Variants in ADH7 observed in about 807,000 individuals in gnomAD.
The protein encoded by ADH7 is all-trans-retinol dehydrogenase [NAD(+)] ADH7.
ADH7 carries 41 observed loss-of-function variants against 34.4 expected under a neutral mutation model. The ratio of observed to expected loss-of-function variants is 1.19; its 90% confidence interval spans 0.93 to 1.55. ADH7 has a LOEUF of 1.55. Among genes scored for constraint, ADH7 ranks in the 40% most tolerant of loss-of-function variants. ADH7 has a pLI of 0.00. For synonymous variants in ADH7, 180 were observed against 160.9 expected (o/e 1.12, Z -0.90); for missense variants, 540 against 461.2 (o/e 1.17, Z -1.56).
chr4:99,432,286 A>G (rs1417343387), intron 1 of ADH7, among the ~76,000 whole-genome samples: 1 of 152,106 alleles, frequency 6.6e-6, no homozygotes, highest in East Asian at 1.9e-4. Context: ...GACACAAAGA[A>G]AAGAACAATG....
intron 6 of ADH7, among the ~76,000 whole-genome samples, chr4:99,420,279 G>A (rs189500307): frequency 6.6e-5 from 10 of 152,206 alleles, no homozygotes; most frequent in Non-Finnish European, 1.2e-4. Flanking sequence ...ATCTAGAAGG[G>A]TTGACTACCT....
At chr4:99,417,162 G>A (rs1381664170) in intron 7 of ADH7, among the ~76,000 whole-genome samples, 2 of 152,056 alleles carry the variant, frequency 1.3e-5, no homozygotes, top group Non-Finnish European at 2.9e-5. Flanking sequence ...CAGCCAGAAG[G>A]AGAGTGTTAA....
At chr4:99,432,556 A>C (rs1027179418) in intron 1 of ADH7, 1 of 152,182 alleles carries the variant, frequency 6.6e-6, no homozygotes, top group African/African-American at 2.4e-5. Flanking sequence ...TTGACATCAA[A>C]TAGTACTGAG....
At chr4:99,427,245 G>C (rs1023899264) in intron 5 of ADH7, among the ~76,000 whole-genome samples, 2 of 152,094 alleles carry the variant, frequency 1.3e-5, no homozygotes, top group Non-Finnish European at 2.9e-5. Context: ...AAACACTACT[G>C]TATTTTATTT....
At position 99,419,004 on chromosome 4, in the gene ADH7, T is replaced by C. The variant is rs201018597; in HGVS notation, c.943A>G (p.Lys315Glu). 1 of 1,613,776 alleles carries C rather than the reference T, an allele frequency of 6.2e-7. No homozygotes were observed. The highest frequency in any genetic ancestry group is 8.5e-7 in the Non-Finnish European group (1 of 1,179,812). Residue 315 changes from lysine to glutamate, a missense_variant, in exon 7 of 9, where the codon AAG becomes GAG. Coordinates refer to ENST00000437033, the MANE Select transcript of ADH7 (RefSeq NM_000673.7). ...PMLLFTGRTW[K>E]GCVFGGLKSR... is the part of the protein sequence containing the mutation. ...TCCTGACCTCCAAAGACACATCCCT[T>C]CCATGTGCGTCCAGTGAAGAGCAAC...
At chr4:99,416,679 T>A (rs1721522181) in intron 7 of ADH7, among the ~76,000 whole-genome samples, 2 of 152,146 alleles carry the variant, frequency 1.3e-5, no homozygotes, top group Admixed American at 1.3e-4. Context: ...CCTCCTCTGG[T>A]CTTGTGGCTT....
intron 5 of ADH7, among the ~76,000 whole-genome samples, chr4:99,421,930 T>G (rs1215198951): frequency 1.3e-5 from 2 of 152,116 alleles, no homozygotes; most frequent in Admixed American, 6.5e-5. Flanking sequence ...ATTAGAGAAA[T>G]GCAAATCAAA....
intron 5 of ADH7, among the ~76,000 whole-genome samples, chr4:99,427,116 A>G (rs1323910081): frequency 6.6e-6 from 1 of 152,188 alleles, no homozygotes; most frequent in African/African-American, 2.4e-5. Flanking sequence ...TTACTTGTGA[A>G]ATTTCATGTG....
intron 8 of ADH7, among the ~76,000 whole-genome samples, chr4:99,414,564 G>A (rs1259093063): frequency 1.3e-5 from 2 of 152,158 alleles, no homozygotes; most frequent in African/African-American, 4.8e-5. Context: ...GAAGCAACAA[G>A]AGTAGTAATC....
chr4:99,413,194 T>G, intron 8 of ADH7, 22 bp from the exon 9 acceptor site: 2 of 1,612,674 alleles, frequency 1.2e-6, no homozygotes, highest in Non-Finnish European at 8.5e-7. Flanking sequence ...AATGAGAGTT[T>G]TTAATGACTT....
chr4:99,420,726 C>G lies in ADH7; in HGVS notation c.632G>C (p.Cys211Ser). The change falls in exon 6 of 9, where the codon TGT (cysteine) becomes TCT (serine). Residue 211 changes from cysteine to serine, a missense_variant. Physicochemically the swap from Cys to Ser is moderately radical, Grantham distance 112. Transcript: ENST00000437033. ...GATCCTAGATGCACCAGCTGACTTA[C>G]AGCCCATGATGACTGACAGGCCAAC... ...GGVGLSVIMG[C>S]KSAGASRIIG... is the part of the protein sequence containing the mutation. 2 of 1,613,960 alleles carry G rather than the reference C, an allele frequency of 1.2e-6. No individual in the cohort carries two copies. The highest frequency in any genetic ancestry group is 1.1e-5 in the South Asian group (1 of 91,078).
Position 99,420,658 on chromosome 4 carries a change from C to A in ADH7, c.700G>T (p.Ala234Ser). 2 of 1,613,930 alleles carry A rather than the reference C, an allele frequency of 1.2e-6. No individual in the cohort carries two copies. The highest frequency in any genetic ancestry group is 2.7e-5 in the African/African-American group (2 of 75,012). Residue 234 changes from alanine to serine, a missense_variant, in exon 6 of 9, where the codon GCT (alanine) becomes TCT (serine). By Grantham distance (99) the Ala-to-Ser change is moderately conservative (BLOSUM62 1). Transcript: ENST00000437033. Reference sequence around the variant, plus strand: ...CTGATACACTCAGTGGCACCTACAGCCATGGCCTTCTCAAATTTGTCTTTG... The same window carrying A: ...CTGATACACTCAGTGGCACCTACAGACATGGCCTTCTCAAATTTGTCTTTG... ...LNKDKFEKAMAVGATECISPK... is the reference protein window; with the variant it reads ...LNKDKFEKAMSVGATECISPK...
In ADH7 at chr4:99,420,524, G is replaced by A; in HGVS notation, c.825+9C>T. On this transcript the variant is annotated intron_variant, in intron 6 of 8. Transcript: ENST00000437033. Reference sequence around the variant, plus strand: ...GGTATTTTGTGGCTTCTCAAATTTTGGGTCTTACCATGGTTTCAAGATGCC... The same window carrying A: ...GGTATTTTGTGGCTTCTCAAATTTTAGGTCTTACCATGGTTTCAAGATGCC... 1 of 1,607,352 alleles carries A rather than the reference G, an allele frequency of 6.2e-7. No homozygotes were observed. Among genetic ancestry groups the A allele is most frequent in the Non-Finnish European group, 8.5e-7 (1 of 1,175,310 alleles).
In ADH7 at chr4:99,420,689, G is replaced by T. The variant is rs148997247; in HGVS notation, c.669C>A (p.Asp223Glu). ...CCTTCTCAAATTTGTCTTTGTTGAG[G>T]TCAATCCCAATGATCCTAGATGCAC... ...SAGASRIIGI[D>E]LNKDKFEKAM... The change falls in exon 6 of 9, where the codon GAC becomes GAA. Residue 223 changes from aspartate (D) to glutamate (E), a missense_variant. Physicochemically the swap from Asp to Glu is conservative, Grantham distance 45. Transcript: ENST00000437033. 3 of 1,613,918 alleles carry T rather than the reference G, an allele frequency of 1.9e-6. No individual in the cohort carries two copies. The highest frequency in any genetic ancestry group is 2.5e-6 in the Non-Finnish European group (3 of 1,179,924).
intron 1 of ADH7, among the ~76,000 whole-genome samples, chr4:99,432,177 A>T (rs1283904512): frequency 6.6e-6 from 1 of 152,198 alleles, no homozygotes; most frequent in Non-Finnish European, 1.5e-5. Flanking sequence ...ACATGGAAGG[A>T]GCTGGAGGCC....
intron 1 of ADH7, 114 bp from the exon 2 acceptor site, chr4:99,429,747 A>G (rs776339200): frequency 2.8e-6 from 2 of 724,034 alleles, no homozygotes; most frequent in Non-Finnish European, 4.3e-6. Flanking sequence ...GTTTTCCAGA[A>G]TGATTTTCAT....
At chr4:99,433,025 T>C (rs116370806) in intron 1 of ADH7, among the ~76,000 whole-genome samples, 3,395 of 152,238 alleles carry the variant, frequency 0.022, 121 homozygotes, top group African/African-American at 0.078. Context: ...CACAGTATTG[T>C]CAGATAAATG....
At chr4:99,428,302 T>C (rs1398419675) in intron 3 of ADH7, 128 bp from the exon 4 acceptor site, 1 of 1,217,434 alleles carries the variant, frequency 8.2e-7, no homozygotes, top group Non-Finnish European at 1.2e-6. Flanking sequence ...ATAAACACCG[T>C]AAGGTTTGCC....
chr4:99,428,613 G>C lies in ADH7; in HGVS notation c.138C>G (p.Ile46Met). Residue 46 changes from isoleucine (I) to methionine (M), a missense_variant, in exon 3 of 9, where the codon ATC (isoleucine) becomes ATG (methionine). Transcript: ENST00000437033. ...EVRIKILATG[I>M]CRTDDHVIKG... is the part of the protein sequence containing the mutation. ...TTATCACATGGTCATCTGTGCGACA[G>C]ATTCCTGTGGCCAAAATCTGTGTTC... The C allele has an allele frequency of 6.2e-7, 1 of 1,612,792 alleles. No individual in the cohort carries two copies. The highest frequency in any genetic ancestry group is 8.5e-7 in the Non-Finnish European group (1 of 1,179,612).
Sources: allele counts gnomAD v4.1 joint callset (sites outside exome capture counted in the v4.1 genomes callset), GRCh38; gene constraint gnomAD v4.1.1; transcripts MANE v1.5; gene names NCBI Gene and HGNC (gene_info 2026-07-23, HGNC 2026-07-21).